The following RIN2 variants were observed in gnomAD, a reference collection of about 807,000 sequenced individuals.
RIN2 encodes Ras and Rab interactor 2, also known as RAB5 interacting protein 2.
A neutral mutation model predicts 78.0 loss-of-function variants in RIN2; 36 were observed. The observed-to-expected ratio is 0.46, with a 90% CI of 0.35 to 0.61. The LOEUF is 0.61. Among genes scored for constraint, RIN2 ranks in the 20% least tolerant of loss-of-function variants. The pLI, the probability that RIN2 is intolerant of heterozygous loss-of-function variation, is 0.00. For missense variants in RIN2, 1,087 were observed against 1,159.7 expected (o/e 0.94, Z 0.91); for synonymous variants, 466 against 466.8 (o/e 1.00, Z 0.02).
intron 2 of RIN2, among the ~76,000 whole-genome samples, chr20:19,851,472 C>T (rs60816177): frequency 0.049 from 7,408 of 152,152 alleles, 288 homozygotes; most frequent in African/African-American, 0.11. Flanking sequence ...CCTGTAATCC[C>T]AGCACTTAAG....
chr20:19,826,975 G>GGT (rs1555827771), intron 2 of RIN2, among the ~76,000 whole-genome samples: 2 of 128,654 alleles, frequency 1.6e-5, no homozygotes, highest in East Asian at 2.2e-4. Context: ...TTGGTTTTGG[G>GGT]TTTTTTTTTT....
At chr20:19,919,176 T>A (rs988958759) in intron 3 of RIN2, among the ~76,000 whole-genome samples, 1 of 152,128 alleles carries the variant, frequency 6.6e-6, no homozygotes, top group African/African-American at 2.4e-5. Context: ...AGAGTCCCGG[T>A]TATATCCAGA....
chr20:19,987,904 G>GA (rs774968108), intron 9 of RIN2, among the ~76,000 whole-genome samples: 5 of 152,060 alleles, frequency 3.3e-5, no homozygotes, highest in Non-Finnish European at 5.9e-5. Context: ...AGAGGAGAAA[G>GA]AAAAAAACAA....
intron 2 of RIN2, among the ~76,000 whole-genome samples, chr20:19,800,086 C>T (rs956068383): frequency 2.0e-5 from 3 of 152,166 alleles, no homozygotes; most frequent in Admixed American, 6.5e-5. Flanking sequence ...AACACCACCA[C>T]GAGGTGGGCA....
chr20:19,951,233 C>T (rs1397946875), intron 4 of RIN2, among the ~76,000 whole-genome samples: 3 of 152,126 alleles, frequency 2.0e-5, no homozygotes, highest in Non-Finnish European at 2.9e-5. Flanking sequence ...AGGCTATGCA[C>T]TCCATGTAGT....
intron 9 of RIN2, among the ~76,000 whole-genome samples, chr20:19,985,083 C>A (rs556272237): frequency 6.6e-6 from 1 of 152,218 alleles, no homozygotes; most frequent in African/African-American, 2.4e-5. Flanking sequence ...TTTCTCCAGT[C>A]TTCAGCTTTG....
intron 9 of RIN2, among the ~76,000 whole-genome samples, chr20:19,983,043 A>G (rs2042510376): frequency 6.6e-6 from 1 of 152,134 alleles, no homozygotes; most frequent in Non-Finnish European, 1.5e-5. Context: ...CTCACACTCA[A>G]ATCCTTGTCT....
chr20:19,985,229 A>C (rs1186308884), intron 9 of RIN2, among the ~76,000 whole-genome samples: 1 of 152,258 alleles, frequency 6.6e-6, no homozygotes, highest in Admixed American at 6.5e-5. Flanking sequence ...GGTGGTCAGC[A>C]TGAAGGAAAG....
intron 1 of RIN2, among the ~76,000 whole-genome samples, chr20:19,776,635 G>A (rs993830164): frequency 6.6e-6 from 1 of 152,026 alleles, no homozygotes; most frequent in Admixed American, 6.6e-5. Context: ...GGGAGGCTGA[G>A]GTGGAAGAAT....
intron 1 of RIN2, among the ~76,000 whole-genome samples, chr20:19,759,310 G>A (rs16981087): frequency 6.6e-6 from 1 of 151,932 alleles, no homozygotes; most frequent in South Asian, 2.1e-4. Context: ...GGGCACATTG[G>A]GGTTTCTTAG....
intron 9 of RIN2, among the ~76,000 whole-genome samples, chr20:19,981,300 G>C (rs2042445856): frequency 6.6e-6 from 1 of 152,178 alleles, no homozygotes; most frequent in Non-Finnish European, 1.5e-5. Context: ...CATCACACCA[G>C]AGGGTACTGC....
chr20:19,807,018 C>A (rs1450960778), intron 2 of RIN2, among the ~76,000 whole-genome samples: 2 of 152,226 alleles, frequency 1.3e-5, no homozygotes, highest in Non-Finnish European at 2.9e-5. Flanking sequence ...TGGCTTCCCA[C>A]TGATGTCTGG....
chr20:19,917,142 G>A (rs1160555658), intron 3 of RIN2, among the ~76,000 whole-genome samples: 1 of 151,926 alleles, frequency 6.6e-6, no homozygotes, highest in East Asian at 1.9e-4. Context: ...AGTGGGTAAG[G>A]TACGACTCCA....
rs766657277 is a variant in RIN2, at chr20:19,956,658, G to T, written c.202G>T (p.Val68Leu). 3 of 1,613,296 alleles carry T rather than the reference G, an allele frequency of 1.9e-6. No homozygotes were observed. Among genetic ancestry groups the T allele is most frequent in the African/African-American group, 1.3e-5 (1 of 74,888 alleles). ...TGGTGGCTATTCCGAGGAAGAGGAC[G>T]TGAAGACCTGTGCCCGGGACTCAGG... is the stretch of plus-strand genomic sequence containing the variant. ...KDGGYSEEED[V>L]KTCARDSGYD... The change falls in exon 5 of 13, where the codon GTG becomes TTG. Residue 68 changes from valine (V) to leucine (L), a missense_variant. Val to Leu is a conservative substitution (Grantham distance 32). Transcript: ENST00000255006.
At chr20:19,819,468 G>T (rs2035866803) in intron 2 of RIN2, among the ~76,000 whole-genome samples, 1 of 152,148 alleles carries the variant, frequency 6.6e-6, no homozygotes, top group Admixed American at 6.5e-5. Context: ...CAAACATTCA[G>T]TTCATAACAA....
chr20:19,878,546 G>A (rs1287829342), intron 2 of RIN2, among the ~76,000 whole-genome samples: 2 of 152,164 alleles, frequency 1.3e-5, no homozygotes, highest in East Asian at 1.9e-4. Flanking sequence ...CACATTTGTC[G>A]TGGTAGGAGA....
At chr20:19,988,967 A>G (rs1289589831) in intron 9 of RIN2, among the ~76,000 whole-genome samples, 2 of 152,044 alleles carry the variant, frequency 1.3e-5, no homozygotes, top group African/African-American at 2.4e-5. Context: ...ATGCACACAA[A>G]TACGTGCACA....
chr20:19,800,076 A>T (rs935016932), intron 2 of RIN2, among the ~76,000 whole-genome samples: 1 of 152,118 alleles, frequency 6.6e-6, no homozygotes, highest in Non-Finnish European at 1.5e-5. Context: ...CAATTATCAC[A>T]ACACCACCAC....
intron 1 of RIN2, among the ~76,000 whole-genome samples, chr20:19,772,006 G>A (rs764596602): frequency 9.9e-5 from 15 of 152,254 alleles, no homozygotes; most frequent in African/African-American, 3.1e-4. Flanking sequence ...CATGCCGACT[G>A]TAGGCTCCAG....
Sources: gnomAD v4.1 joint callset for allele counts (sites outside exome capture counted in the v4.1 genomes callset) on GRCh38, gnomAD v4.1.1 for gene constraint, MANE v1.5 for transcripts, NCBI Gene and HGNC (gene_info 2026-07-23, HGNC 2026-07-21) for gene names.